Variants in SOX6 observed in about 807,000 individuals in gnomAD.
SOX6 encodes transcription factor SOX-6.
A neutral mutation model predicts 97.8 loss-of-function variants in SOX6; 11 were observed. The ratio of observed to expected loss-of-function variants is 0.11; its 90% CI spans 0.07 to 0.19. The LOEUF is 0.19. Among genes scored for constraint, SOX6 ranks in the 10% least tolerant of loss-of-function variants. The pLI is 1.00. For missense variants in SOX6, 810 were observed against 1,039.5 expected (o/e 0.78, Z 3.04); for synonymous variants, 360 against 371.4 (o/e 0.97, Z 0.35).
chr11:16,368,402 T>G (rs1414155993), intron 1 of SOX6, among the ~76,000 whole-genome samples: 3 of 152,078 alleles, frequency 2.0e-5, no homozygotes, highest in East Asian at 3.9e-4. Context: ...GAATCATTTG[T>G]GCCCAGGAGG....
chr11:16,360,799 C>T (rs576865370), upstream of SOX6, among the ~76,000 whole-genome samples: 14 of 152,072 alleles, frequency 9.2e-5, no homozygotes, highest in South Asian at 2.7e-3. Context: ...GTCAGGAGAT[C>T]GAGACCATCC....
At chr11:16,409,202 T>C (rs1428142712) in intron 1 of SOX6, among the ~76,000 whole-genome samples, 1 of 151,636 alleles carries the variant, frequency 6.6e-6, no homozygotes, top group East Asian at 1.9e-4. Flanking sequence ...TTCATTGCTA[T>C]GACAGAGCCT....
At chr11:16,025,617 G>A in intron 12 of SOX6, among the ~76,000 whole-genome samples, 1 of 152,172 alleles carries the variant, frequency 6.6e-6, no homozygotes, top group East Asian at 1.9e-4. Context: ...GGAAACACAA[G>A]TGCAGTTTAT....
chr11:16,223,960 T>C (rs1852615451), intron 4 of SOX6, among the ~76,000 whole-genome samples: 2 of 152,130 alleles, frequency 1.3e-5, no homozygotes, highest in African/African-American at 4.8e-5. Flanking sequence ...AATAGACTAA[T>C]ACATATTTAA....
At chr11:16,473,790 T>A (rs983325339) in intron 1 of SOX6, among the ~76,000 whole-genome samples, 1 of 152,142 alleles carries the variant, frequency 6.6e-6, no homozygotes, top group Non-Finnish European at 1.5e-5. Flanking sequence ...GACCTTGTGA[T>A]CCAACTGTGG....
At chr11:16,334,163 C>T (rs1856391603) in intron 2 of SOX6, among the ~76,000 whole-genome samples, 1 of 151,944 alleles carries the variant, frequency 6.6e-6, no homozygotes, top group Non-Finnish European at 1.5e-5. Flanking sequence ...GTGACACCTC[C>T]TTAAAGACAT....
At chr11:16,319,408 C>T (rs1855845695) in intron 2 of SOX6, among the ~76,000 whole-genome samples, 1 of 152,050 alleles carries the variant, frequency 6.6e-6, no homozygotes, top group South Asian at 2.1e-4. Context: ...TACATGTGCA[C>T]AACGTGCAGG....
In SOX6 at chr11:16,416,225, A is replaced by G. The variant is rs1338457849; in HGVS notation, c.-5+60090T>C. 2.6e-5 allele frequency among the ~76,000 whole-genome samples: 4 copies of G among 152,334 alleles called. No individual in the cohort carries two copies. The East Asian group carries it at 7.7e-4, about 29-fold the overall frequency. On this transcript the variant is annotated intron_variant, in intron 1 of 15. Transcript: ENST00000396356. ...AACAGAAAGAAAAGCATGTTCAGAA[A>G]AAGACTTTTGCCAAGCTCCCTGTAG...
At chr11:16,576,738 C>A (rs1398230524) in intron 4 of SOX6, 1 of 152,114 alleles carries the variant, frequency 6.6e-6, no homozygotes, top group Non-Finnish European at 1.5e-5. Context: ...TTACAACACT[C>A]CTATGTGAAA....
At chr11:16,722,842 T>C (rs746980014) in intron 2 of SOX6, among the ~76,000 whole-genome samples, 1 of 152,178 alleles carries the variant, frequency 6.6e-6, no homozygotes, top group Non-Finnish European at 1.5e-5. Flanking sequence ...GCTGGCACAG[T>C]TGCAGAGAAA....
chr11:16,305,290 GCAAA>G (rs1203390465), intron 3 of SOX6, among the ~76,000 whole-genome samples: 2 of 152,166 alleles, frequency 1.3e-5, no homozygotes, highest in East Asian at 3.8e-4. Flanking sequence ...TACATATATG[GCAAA>G]CAAACGTGTG....
At chr11:16,431,167 T>C (rs1859265378) in intron 1 of SOX6, among the ~76,000 whole-genome samples, 1 of 152,148 alleles carries the variant, frequency 6.6e-6, no homozygotes, top group East Asian at 1.9e-4. Context: ...TCTTGTACTT[T>C]ATAAAATAGC....
chr11:16,540,415 C>A (rs1019024013), intron 4 of SOX6, among the ~76,000 whole-genome samples: 1 of 152,004 alleles, frequency 6.6e-6, no homozygotes, highest in Non-Finnish European at 1.5e-5. Flanking sequence ...TGGCACAAGA[C>A]AGGGATGCCC....
Position 16,485,919 on chromosome 11 carries a change from AG to A in SOX6, n.610-9532del, listed in dbSNP as rs1378502130. 4.4e-3 allele frequency among the ~76,000 whole-genome samples: 196 copies of A among 44,906 alleles called. 1 individual carries two copies. The highest frequency in any genetic ancestry group is 0.017 in the African/African-American group (168 of 9,958). 29.5% of individuals were successfully genotyped at this position (44,906 alleles called of 152,430 possible). A position where few individuals can be genotyped will look rare whatever the true frequency, so the allele number is the denominator to read the frequency against. ...AGAAAAGGGAAGGGAAGAAAAGGGA[AG>A]GGGAGGGGAGGGGAGGGGAGAGGAG... is the stretch of plus-strand genomic sequence containing the variant. On this transcript the variant is annotated intron_variant and non_coding_transcript_variant, in intron 4 of 5. Transcript: ENST00000524520.
rs868561305 is a variant in SOX6, at chr11:16,017,229, A to C, written c.1624-2179T>G. On this transcript the variant is annotated intron_variant, in intron 12 of 15. Coordinates refer to ENST00000683767, the MANE Select transcript of SOX6 (RefSeq NM_001367873.1). ...ATTCAGAACATTCAACAACACATTC[A>C]CAGTGTCTTTGAAGTCATACATTTT... is the stretch of plus-strand genomic sequence containing the variant. Among the ~76,000 whole-genome samples the C allele has an allele frequency of 2.6e-5, 4 of 152,166 alleles. No individual in the cohort carries two copies. The Middle Eastern group carries it at 0.014, about 518-fold the overall frequency.
chr11:16,154,891 T>A (rs899027561), intron 6 of SOX6, among the ~76,000 whole-genome samples: 1 of 152,036 alleles, frequency 6.6e-6, no homozygotes, highest in South Asian at 2.1e-4. Context: ...TGGGGCAGTT[T>A]GGGCTGCACA....
At chr11:16,074,976 G>A (rs2133947104) in intron 9 of SOX6, among the ~76,000 whole-genome samples, 1 of 152,146 alleles carries the variant, frequency 6.6e-6, no homozygotes, top group East Asian at 1.9e-4. Flanking sequence ...TATACTACAA[G>A]GCTACAGTAA....
intron 1 of SOX6, among the ~76,000 whole-genome samples, chr11:16,440,961 AAATT>A (rs1185282949): frequency 6.6e-6 from 1 of 152,144 alleles, no homozygotes; most frequent in Non-Finnish European, 1.5e-5. Context: ...ACTGCCTGTC[AAATT>A]GGAGTGAAAC....
chr11:16,564,497 C>T (rs1353952407), intron 4 of SOX6, among the ~76,000 whole-genome samples: 3 of 152,110 alleles, frequency 2.0e-5, no homozygotes, highest in Non-Finnish European at 4.4e-5. Flanking sequence ...ATACTCCATT[C>T]AATGACAGAA....
Sources: allele counts gnomAD v4.1 joint callset (sites outside exome capture counted in the v4.1 genomes callset), GRCh38; gene constraint gnomAD v4.1.1; transcripts MANE v1.5; gene names NCBI Gene and HGNC (gene_info 2026-07-23, HGNC 2026-07-21).